The following SEC14L1 variants were observed in gnomAD, a reference collection of about 807,000 sequenced individuals.
SEC14L1 encodes the protein SEC14 like lipid binding 1.
Under a neutral mutation model 85.3 loss-of-function variants are expected in SEC14L1, and 48 were observed. The observed-to-expected ratio is 0.56, with a 90% CI of 0.45 to 0.72. SEC14L1 has a LOEUF of 0.72. Ranked by LOEUF, SEC14L1 falls within the 30% of genes least tolerant of loss-of-function variation. The pLI is 0.00. For synonymous variants in SEC14L1, 391 were observed against 355.5 expected (o/e 1.10, Z -1.12); for missense variants, 682 against 921.4 (o/e 0.74, Z 3.36).
At chr17:77,176,540 T>C (rs1974766532) in intron 3 of SEC14L1, among the ~76,000 whole-genome samples, 1 of 152,240 alleles carries the variant, frequency 6.6e-6, no homozygotes, top group African/African-American at 2.4e-5. Context: ...TTGACAACAT[T>C]ATTTTTTCCC....
chr17:77,169,248 CG>C (rs1974426709), intron 3 of SEC14L1, among the ~76,000 whole-genome samples: 1 of 152,066 alleles, frequency 6.6e-6, no homozygotes, highest in Non-Finnish European at 1.5e-5. Flanking sequence ...CTCCGAGGGA[CG>C]TTAATCTTTC....
intron 5 of SEC14L1, among the ~76,000 whole-genome samples, chr17:77,191,548 T>G (rs1307404889): frequency 6.6e-6 from 1 of 152,134 alleles, no homozygotes; most frequent in African/African-American, 2.4e-5. Context: ...GTTTTGTTTT[T>G]TTTTTCTTTT....
chr17:77,155,136 TTATAAAC>T (rs1220733627), intron 3 of SEC14L1, among the ~76,000 whole-genome samples: 1 of 152,200 alleles, frequency 6.6e-6, no homozygotes, highest in East Asian at 1.9e-4. Context: ...ACCTGTCACT[TTATAAAC>T]TAAAGATCTC....
Position 77,216,232 on chromosome 17 carries a change from G to A in SEC14L1, c.*2209G>A. On this transcript the variant is annotated 3_prime_UTR_variant, in exon 17 of 17. Coordinates refer to ENST00000436233, the MANE Select transcript of SEC14L1 (RefSeq NM_001143998.2). ...TAGGGCTAGTAGGTAGGGTTCGTAG[G>A]TAGGGTTCGTAGGTAGGGTTCGTAG... The A allele has an allele frequency of 2.8e-6, 3 of 1,088,866 alleles. No individual in the cohort carries two copies. In the South Asian group the frequency reaches 7.5e-5, roughly 27 times the overall value. The allele number at this position is 1,088,866 out of a possible 1,614,324, so 67.5% of individuals were successfully genotyped here.
chr17:77,211,882 C>T (rs117178832), intron 14 of SEC14L1, 68 bp from the exon 15 acceptor site: 26,550 of 1,579,136 alleles, frequency 0.017, 362 homozygotes, highest in South Asian at 0.06. Context: ...CTGGAGAGCA[C>T]GATGCGCTCG....
intron 3 of SEC14L1, among the ~76,000 whole-genome samples, chr17:77,131,683 T>A (rs760616910): frequency 2.6e-5 from 4 of 152,220 alleles, no homozygotes; most frequent in Non-Finnish European, 5.9e-5. Context: ...AGAGTGGAGA[T>A]GAATATAAAA....
chr17:77,194,271 G>A (rs1475256565), intron 6 of SEC14L1, among the ~76,000 whole-genome samples: 2 of 152,132 alleles, frequency 1.3e-5, no homozygotes, highest in Non-Finnish European at 2.9e-5. Context: ...AAGCTTGTGA[G>A]GGACTGGGCG....
At chr17:77,162,425 T>C (rs1001715477) in intron 3 of SEC14L1, among the ~76,000 whole-genome samples, 56 of 152,210 alleles carry the variant, frequency 3.7e-4, no homozygotes, top group African/African-American at 1.2e-3. Context: ...GAGATGAGAA[T>C]GGAAAATAGG....
At chr17:77,152,972 G>T (rs888705543) in intron 3 of SEC14L1, among the ~76,000 whole-genome samples, 1 of 152,144 alleles carries the variant, frequency 6.6e-6, no homozygotes, top group African/African-American at 2.4e-5. Flanking sequence ...ACCTTTTGCT[G>T]ATTTAATTGT....
chr17:77,216,619 T>C lies in SEC14L1; in HGVS notation c.*2596T>C, dbSNP rs1977114327. On this transcript the variant is annotated 3_prime_UTR_variant, in exon 17 of 17. Transcript: ENST00000436233. ...GTCCTCATGTGCCCAGAGATGTTTATAGAACTGTTTGAATTGCAGCCATCC... is the reference window on the plus strand; with the variant it reads ...GTCCTCATGTGCCCAGAGATGTTTACAGAACTGTTTGAATTGCAGCCATCC... The C allele has an allele frequency of 6.2e-7, 1 of 1,612,968 alleles. No homozygotes were observed. The highest frequency in any genetic ancestry group is 8.5e-7 in the Non-Finnish European group (1 of 1,179,166).
At chr17:77,130,651 G>A (rs1017115180) in intron 3 of SEC14L1, among the ~76,000 whole-genome samples, 4 of 151,800 alleles carry the variant, frequency 2.6e-5, no homozygotes, top group Admixed American at 1.3e-4. Flanking sequence ...ACAGGTTCTC[G>A]TTCTGTCACC....
chr17:77,192,317 G>C lies in SEC14L1; in HGVS notation c.345+1005G>C, dbSNP rs576466085. The stretch of plus-strand genomic sequence containing the variant: ...TATTTCTGCCCTTCTCCCCTGCAGT[G>C]TATCCTTAACACTGAATTCAAAGTG... On this transcript the variant is annotated intron_variant, in intron 5 of 16. Coordinates refer to ENST00000436233, the MANE Select transcript of SEC14L1 (RefSeq NM_001143998.2). Among the ~76,000 whole-genome samples the C allele has an allele frequency of 5.9e-5, 9 of 152,258 alleles. No individual in the cohort carries two copies. The South Asian group carries it at 1.9e-3, about 32-fold the overall frequency.
At chr17:77,097,314 C>T (rs1033475271) in intron 3 of SEC14L1, among the ~76,000 whole-genome samples, 1 of 152,152 alleles carries the variant, frequency 6.6e-6, no homozygotes, top group East Asian at 1.9e-4. Context: ...GCCTGTAATC[C>T]CAGCACTTTG....
intron 3 of SEC14L1, 67 bp from the exon 4 acceptor site, chr17:77,190,736 C>G (rs895007006): frequency 2.6e-6 from 4 of 1,549,938 alleles, no homozygotes; most frequent in African/African-American, 1.4e-5. Context: ...AGGGAGAACA[C>G]AGTCAGCGGC....
intron 3 of SEC14L1, among the ~76,000 whole-genome samples, chr17:77,095,946 C>T (rs951382032): frequency 2.6e-5 from 4 of 152,072 alleles, no homozygotes; most frequent in African/African-American, 9.7e-5. Flanking sequence ...GGGAGGGAGG[C>T]CTAGACTCCA....
chr17:77,159,912 A>C (rs1598321080), intron 3 of SEC14L1, among the ~76,000 whole-genome samples: 1 of 152,190 alleles, frequency 6.6e-6, no homozygotes, highest in Non-Finnish European at 1.5e-5. Flanking sequence ...AAGGGAATGG[A>C]GGTGGTAGAG....
chr17:77,099,159 C>T (rs1426278206), intron 3 of SEC14L1: 3 of 152,114 alleles, frequency 2.0e-5, no homozygotes, highest in Non-Finnish European at 2.9e-5. Context: ...TGCAATGCCA[C>T]GTTAGAACTA....
At chr17:77,166,715 T>C (rs1360329323) in intron 3 of SEC14L1, among the ~76,000 whole-genome samples, 1 of 152,118 alleles carries the variant, frequency 6.6e-6, no homozygotes, top group Non-Finnish European at 1.5e-5. Flanking sequence ...GGCGCACACC[T>C]GTAGTCCCAG....
rs752248072 is a variant in SEC14L1 at position 77,213,880 on chromosome 17, G to A, written c.2043-38G>A. ...TGTGGGCCGGCGGGTGGTTGGCAGG[G>A]TGGTCCTCACGCCTCGCCCCTCCCT... On this transcript the variant is annotated intron_variant, in intron 16 of 16. Coordinates refer to ENST00000436233, the MANE Select transcript of SEC14L1 (RefSeq NM_001143998.2). This position sits in a 1 kb window ranked among gnomAD's most constrained non-coding sequence, Gnocchi z 7.1. 2 of 1,608,972 alleles carry A rather than the reference G, an allele frequency of 1.2e-6. No individual in the cohort carries two copies. The highest frequency in any genetic ancestry group is 1.7e-5 in the Admixed American group (1 of 59,876).
Sources: gnomAD v4.1 joint callset for allele counts (sites outside exome capture counted in the v4.1 genomes callset) on GRCh38, gnomAD v4.1.1 for gene constraint, Gnocchi (gnomAD v3.1) non-coding constraint, MANE v1.5 for transcripts, NCBI Gene and HGNC (gene_info 2026-07-23, HGNC 2026-07-21) for gene names.